Variants in HS3ST6 observed in about 807,000 individuals in gnomAD.
HS3ST6 encodes the protein heparan sulfate glucosamine 3-O-sulfotransferase 6.
In HS3ST6, 13 loss-of-function variants were observed where a neutral mutation model predicts 11.0. The ratio of observed to expected loss-of-function variants is 1.18; its 90% CI spans 0.77 to 1.88. The LOEUF (loss-of-function observed/expected upper bound fraction) is 1.88, where lower values mean the gene tolerates loss of function less well. HS3ST6 is among the 40% of genes most tolerant of loss of function. The pLI, the probability that HS3ST6 is intolerant of heterozygous loss-of-function variation, is 0.00. For missense variants in HS3ST6, 541 were observed against 494.4 expected (o/e 1.09, Z -0.89); for synonymous variants, 232 against 230.6 (o/e 1.01, Z -0.06).
At chr16:1,915,024 C>A (rs2082917008) in intron 1 of HS3ST6, among the ~76,000 whole-genome samples, 1 of 152,166 alleles carries the variant, frequency 6.6e-6, no homozygotes, top group African/African-American at 2.4e-5. Context: ...CTGGGCGACC[C>A]TCCCTCCTCC....
Position 1,911,902 on chromosome 16 carries a change from G to A in HS3ST6, c.717C>T (p.Phe239=). 1 of 1,603,740 alleles carries A rather than the reference G, an allele frequency of 6.2e-7. No individual in the cohort carries two copies. The highest frequency in any genetic ancestry group is 8.5e-7 in the Non-Finnish European group (1 of 1,173,940). The change falls in exon 2 of 2, where the codon TTC becomes TTT. Residue 239 remains phenylalanine (F), a synonymous_variant. Transcript: ENST00000454677. ...AQHLDHWLRY[F]PLSHFLFVSG... is the part of the protein sequence containing the mutation. Reference sequence around the variant, plus strand: ...TGACGAACAGGAAGTGGGACAGGGGGAAGTAGCGCAGCCAGTGGTCCAGGT... The same window carrying A: ...TGACGAACAGGAAGTGGGACAGGGGAAAGTAGCGCAGCCAGTGGTCCAGGT...
chr16:1,912,433 G>T lies in HS3ST6; in HGVS notation c.414-228C>A, dbSNP rs527935886. 6.6e-6 allele frequency among the ~76,000 whole-genome samples: 1 copy of T among 152,100 alleles called. No homozygotes were observed. Among genetic ancestry groups the T allele is most frequent in the Non-Finnish European group, 1.5e-5 (1 of 68,002 alleles). ...ACCTGCCTGCAGCCCGGCCTGTTCC[G>T]CCGGCCTGCCCCGCCTGCTGCTGCA... On this transcript the variant is annotated intron_variant, in intron 1 of 1. Coordinates refer to ENST00000454677, the MANE Select transcript of HS3ST6 (RefSeq NM_001009606.4). The surrounding 1 kb of genome is among the most constrained non-coding windows in gnomAD (Gnocchi z 5.6).
upstream of HS3ST6, among the ~76,000 whole-genome samples, chr16:1,920,341 C>A (rs1597013709): frequency 1.4e-5 from 2 of 145,176 alleles, no homozygotes; most frequent in Non-Finnish European, 3.0e-5. Context: ...CTCAGCCGTC[C>A]CCACGGTCTG....
chr16:1,918,757 C>A (rs929300476), upstream of HS3ST6, among the ~76,000 whole-genome samples: 4 of 152,162 alleles, frequency 2.6e-5, no homozygotes, highest in South Asian at 2.1e-4. This position sits in a 1 kb window ranked among gnomAD's most constrained non-coding sequence, Gnocchi z 6.0. Flanking sequence ...CCCCTTCCCC[C>A]CCCACCCCAC....
chr16:1,915,776 C>A (rs1000627556), intron 1 of HS3ST6, among the ~76,000 whole-genome samples: 2 of 152,202 alleles, frequency 1.3e-5, no homozygotes, highest in African/African-American at 2.4e-5. Context: ...AAGTGGGAGG[C>A]CCCTCAAGAG....
In HS3ST6 at chr16:1,911,881, G is replaced by C. The variant is rs369204071; in HGVS notation, c.738C>G (p.Phe246Leu). ...CGCTGACCAGACGCTCCCCGCTGAC[G>C]AACAGGAAGTGGGACAGGGGGAAGT... ...LRYFPLSHFL[F>L]VSGERLVSDP... The change falls in exon 2 of 2, where the codon TTC becomes TTG. Residue 246 changes from phenylalanine (F) to leucine (L), a missense_variant. Physicochemically the swap from Phe to Leu is conservative, Grantham distance 22. Transcript: ENST00000454677. 6.8e-6 allele frequency: 11 copies of C among 1,606,896 alleles called. No homozygotes were observed. Among genetic ancestry groups the C allele is most frequent in the Non-Finnish European group, 8.5e-6 (10 of 1,175,776 alleles).
At position 1,918,282 on chromosome 16, in the gene HS3ST6, G is replaced by A; in HGVS notation, c.42C>T (p.Gly14=). 1 of 881,332 alleles carries A rather than the reference G, an allele frequency of 1.1e-6. No individual in the cohort carries two copies. 54.6% of individuals were successfully genotyped at this position (881,332 alleles called of 1,614,324 possible). Residue 14 remains glycine, a synonymous_variant, in exon 1 of 2, where the codon GGC becomes GGT. Transcript: ENST00000454677. This position sits in a 1 kb window ranked among gnomAD's most constrained non-coding sequence, Gnocchi z 6.0. ...CCCCTTGCCCGGCCCCTGCGCCCTG[G>A]CCGCCCCCGGCCCCGCCGCCCAGGC... is the stretch of plus-strand genomic sequence containing the variant. The part of the protein sequence containing the change: ...SGGLGGGAGG[G]QGAGAGQGAA...
In HS3ST6 at chr16:1,912,100, G is replaced by A; in HGVS notation, c.519C>T (p.Asp173=). The change falls in exon 2 of 2, where the codon GAC becomes GAT. Residue 173 remains aspartate, a synonymous_variant. Transcript: ENST00000454677. This position sits in a 1 kb window ranked among gnomAD's most constrained non-coding sequence, Gnocchi z 5.6. Reference sequence around the variant, plus strand: ...TCCGCACCACCACGATCAGCTTCGTGTCCGGGGACATGGCGTGGATGCGGC... The same window carrying A: ...TCCGCACCACCACGATCAGCTTCGTATCCGGGGACATGGCGTGGATGCGGC... ...APRRIHAMSP[D]TKLIVVVRNP... is the part of the protein sequence containing the mutation. The A allele has an allele frequency of 6.6e-7, 1 of 1,507,074 alleles. No individual in the cohort carries two copies. The highest frequency in any genetic ancestry group is 2.4e-5 in the East Asian group (1 of 42,430). 93.4% of individuals were successfully genotyped at this position (1,507,074 alleles called of 1,614,324 possible).
At chr16:1,914,493 A>T (rs556365426) in intron 1 of HS3ST6, among the ~76,000 whole-genome samples, 42 of 152,092 alleles carry the variant, frequency 2.8e-4, no homozygotes, top group Non-Finnish European at 5.3e-4. Flanking sequence ...GCCAGGAAGG[A>T]AGCCCCAGGC....
At chr16:1,920,064 C>CAGG, upstream of HS3ST6, among the ~76,000 whole-genome samples, 1 of 144,362 alleles carries the variant, frequency 6.9e-6, no homozygotes, top group African/African-American at 2.6e-5. Flanking sequence ...CCCACGGTCT[C>CAGG]AGCATCCCCA....
chr16:1,917,957 G>A lies in HS3ST6; in HGVS notation c.367C>T (p.Pro123Ser). 1 of 1,521,292 alleles carries A rather than the reference G, an allele frequency of 6.6e-7. No individual in the cohort carries two copies. The highest frequency in any genetic ancestry group is 8.8e-7 in the Non-Finnish European group (1 of 1,140,398). 94.2% of individuals were successfully genotyped at this position (1,521,292 alleles called of 1,614,324 possible). Residue 123 changes from proline to serine, a missense_variant, in exon 1 of 2, where the codon CCC becomes TCC. By Grantham distance (74) the Pro-to-Ser change is moderately conservative. Transcript: ENST00000454677. ...TCGTAGCACCTGTCGAAGAAGTGGG[G>A]CTCAGAGCCCAGCGCGCGGACGTCG... Reference protein sequence around the residue: ...HPDVRALGSEPHFFDRCYERG... With the variant: ...HPDVRALGSESHFFDRCYERG...
upstream of HS3ST6, among the ~76,000 whole-genome samples, chr16:1,918,716 G>A (rs1348215936): frequency 6.6e-6 from 1 of 152,126 alleles, no homozygotes; most frequent in African/African-American, 2.4e-5. This position sits in a 1 kb window ranked among gnomAD's most constrained non-coding sequence, Gnocchi z 6.0. Context: ...GGCGGCGCGC[G>A]GGCCTCGGGA....
upstream of HS3ST6, among the ~76,000 whole-genome samples, chr16:1,919,207 G>A (rs180921694): frequency 5.3e-5 from 8 of 152,276 alleles, no homozygotes; most frequent in South Asian, 6.2e-4. Flanking sequence ...GATGCATTTC[G>A]GAAGCTGGCA....
rs538038743 is a variant in HS3ST6, at chr16:1,916,297, G to A, written c.413+1614C>T. 5.9e-5 allele frequency among the ~76,000 whole-genome samples: 9 copies of A among 151,684 alleles called. No individual in the cohort carries two copies. The East Asian group carries it at 1.6e-3, about 26-fold the overall frequency. On this transcript the variant is annotated intron_variant, in intron 1 of 1. Transcript: ENST00000454677. ...ACCAGATTAATGAGGCAGAAGCCAC[G>A]GGACTGACCCCTTGGAATTCTCCAC...
upstream of HS3ST6, chr16:1,918,531 C>G (rs1038674285): frequency 6.7e-6 from 1 of 150,296 alleles, no homozygotes; most frequent in Non-Finnish European, 1.5e-5. This position sits in a 1 kb window ranked among gnomAD's most constrained non-coding sequence, Gnocchi z 6.0. Flanking sequence ...GAGGCCACTG[C>G]CTGGGCTGGA....
At chr16:1,920,533 C>A (rs2082958685), upstream of HS3ST6, among the ~76,000 whole-genome samples, 1 of 152,152 alleles carries the variant, frequency 6.6e-6, no homozygotes, top group Non-Finnish European at 1.5e-5. Flanking sequence ...CTCCTCCAGC[C>A]CCCTGCCCAG....
rs199582508 is a variant in HS3ST6, at chr16:1,912,103, C to T, written c.516G>A (p.Pro172=). ...EAPRRIHAMS[P]DTKLIVVVRN... Reference sequence around the variant, plus strand: ...GCACCACCACGATCAGCTTCGTGTCCGGGGACATGGCGTGGATGCGGCGGG... The same window carrying T: ...GCACCACCACGATCAGCTTCGTGTCTGGGGACATGGCGTGGATGCGGCGGG... The change falls in exon 2 of 2, where the codon CCG becomes CCA. Residue 172 remains proline, a synonymous_variant. Coordinates refer to ENST00000454677, the MANE Select transcript of HS3ST6 (RefSeq NM_001009606.4). The surrounding 1 kb of genome is among the most constrained non-coding windows in gnomAD (Gnocchi z 5.6). The T allele has an allele frequency of 1.7e-4, 259 of 1,505,844 alleles. 1 individual carries two copies. In the African/African-American group the frequency reaches 3.1e-3, roughly 18 times the overall value. 93.3% of individuals were successfully genotyped at this position (1,505,844 alleles called of 1,614,324 possible).
chr16:1,914,448 G>A (rs1411204297), intron 1 of HS3ST6, among the ~76,000 whole-genome samples: 4 of 152,166 alleles, frequency 2.6e-5, no homozygotes, highest in Non-Finnish European at 5.9e-5. Context: ...AAGACCCCAG[G>A]CCTCATGAGA....
intron 1 of HS3ST6, among the ~76,000 whole-genome samples, chr16:1,914,712 G>A (rs969762039): frequency 1.6e-4 from 25 of 152,272 alleles, no homozygotes; most frequent in Non-Finnish European, 1.5e-4. Context: ...TGGGGTTCCC[G>A]GACCCCCTGC....
Sources: gnomAD v4.1 joint callset for allele counts (sites outside exome capture counted in the v4.1 genomes callset) on GRCh38, gnomAD v4.1.1 for gene constraint, Gnocchi (gnomAD v3.1) non-coding constraint, MANE v1.5 for transcripts, NCBI Gene and HGNC (gene_info 2026-07-23, HGNC 2026-07-21) for gene names.